The following NUP214 variants were observed in gnomAD, a reference collection of about 807,000 sequenced individuals.
NUP214 encodes the protein nucleoporin 214.
A neutral mutation model predicts 196.2 loss-of-function variants in NUP214; 79 were observed. That is an observed-to-expected ratio of 0.40 (90% CI 0.34 to 0.49). The LOEUF is 0.49. NUP214 is among the 20% of genes least tolerant of loss of function. The probability of loss-of-function intolerance (pLI) is 0.58; values close to 1 mark genes in which losing one functional copy is unlikely to be tolerated. For synonymous variants in NUP214, 1,020 were observed against 990.5 expected, an observed-to-expected ratio of 1.03 and a Z score of -0.56; for missense variants, 2,468 against 2,539.0, an observed-to-expected ratio of 0.97 and a Z score of 0.60.
In NUP214 at chr9:131,178,402, A is replaced by T; in HGVS notation, c.3411A>T (p.Thr1137=). ...AGAATAACCCTGCAACCCCTTCTAC[A>T]GCCATGGGGTATGTTCTGACTGCAG... is the stretch of plus-strand genomic sequence containing the variant. ...ELKNNPATPS[T]AMGSSVPYST... The change falls in exon 24 of 36, where the codon ACA becomes ACT. Residue 1137 remains threonine, a synonymous_variant. Transcript: ENST00000359428. 6.2e-7 allele frequency: 1 copy of T among 1,609,362 alleles called. No individual in the cohort carries two copies. The highest frequency in any genetic ancestry group is 8.5e-7 in the Non-Finnish European group (1 of 1,175,858).
At chr9:131,163,375 G>A in intron 19 of NUP214, 1 of 550,028 alleles carries the variant, frequency 1.8e-6, no homozygotes, top group Non-Finnish European at 3.1e-6. Flanking sequence ...TGGGATTGTT[G>A]GAGAGTTAAA....
rs10122056 is a variant in NUP214 at position 131,233,936 on chromosome 9, T to C, written c.*449T>C. ...TGCTGGTGGGTCATCTTTTTGAGGC[T>C]GAAACTTGGTTATCTCCTCTCCTTG... is the stretch of plus-strand genomic sequence containing the variant. On this transcript the variant is annotated 3_prime_UTR_variant, in exon 36 of 36. Coordinates refer to ENST00000359428, the MANE Select transcript of NUP214 (RefSeq NM_005085.4). 10,954 of 285,670 alleles carry C rather than the reference T, an allele frequency of 0.038. 357 individuals carry two copies. The highest frequency in any genetic ancestry group is 0.11 in the African/African-American group (4,979 of 46,562). The allele number at this position is 285,670 out of a possible 1,614,324, so 17.7% of individuals were successfully genotyped here.
chr9:131,187,664 G>A (rs1833492597), intron 25 of NUP214, among the ~76,000 whole-genome samples: 1 of 152,168 alleles, frequency 6.6e-6, no homozygotes, highest in African/African-American at 2.4e-5. Flanking sequence ...TGGGATTACA[G>A]GTGTGAGCCA....
Position 131,146,291 on chromosome 9 carries a change from G to C in NUP214, c.1932G>C (p.Leu644Phe), listed in dbSNP as rs1588131004. The C allele has an allele frequency of 6.2e-7, 1 of 1,614,072 alleles. No homozygotes were observed. Among genetic ancestry groups the C allele is most frequent in the Middle Eastern group, 1.6e-4 (1 of 6,062 alleles). Residue 644 changes from leucine (L) to phenylalanine (F), a missense_variant, in exon 13 of 36, where the codon TTG (leucine) becomes TTC (phenylalanine). By Grantham distance (22) the Leu-to-Phe change is conservative. This residue lies in a region of NUP214 where 1,801 missense variants were observed against 1,779.4 expected (regional missense o/e 1.01). Transcript: ENST00000359428. The surrounding 1 kb of genome is among the most constrained non-coding windows in gnomAD (Gnocchi z 4.6). ...CCGTGCCATTGAAGTCCTCAGTCTT[G>C]CCCTCACCATCAGGTATGATTTTAA... ...PSSVPLKSSVLPSPSGRSAQG... is the reference protein window; with the variant it reads ...PSSVPLKSSVFPSPSGRSAQG...
rs749497472 is a variant in NUP214 at position 131,232,255 on chromosome 9, T to C, written c.6215-29T>C. 4.3e-6 allele frequency: 7 copies of C among 1,614,030 alleles called. No individual in the cohort carries two copies. In the South Asian group the frequency reaches 5.5e-5, roughly 13 times the overall value. On this transcript the variant is annotated intron_variant, in intron 34 of 35. Transcript: ENST00000359428. This position sits in a 1 kb window ranked among gnomAD's most constrained non-coding sequence, Gnocchi z 5.1. Reference sequence around the variant, plus strand: ...CTTTGTCTTTCGAGTGGATGCGTGCTTTAACTTCACTCTTATTCTGCTTTT... The same window carrying C: ...CTTTGTCTTTCGAGTGGATGCGTGCCTTAACTTCACTCTTATTCTGCTTTT...
At chr9:131,128,682 A>G (rs573448004) in intron 3 of NUP214, 199 bp downstream of exon 3, 32 of 493,832 alleles carry the variant, frequency 6.5e-5, no homozygotes, top group African/African-American at 5.8e-4. Context: ...TCATAACGCC[A>G]TCTGCCCTAA....
chr9:131,174,224 TC>T lies in NUP214; in HGVS notation c.3065del (p.Pro1022LeufsTer27). On this transcript the variant is annotated frameshift_variant, in exon 22 of 36. Coordinates refer to ENST00000359428, the MANE Select transcript of NUP214 (RefSeq NM_005085.4). LOFTEE classifies it high-confidence loss of function. ...CTCGGCACGCCCCCGTGGTTCGCAC[TC>T]CTTCCATCCAGCCCAGTCTCTTGCC... The part of the protein sequence containing the change: ...APRHAPVVRT[P>X]SIQPSLLPHA... 1 of 1,613,946 alleles carries T rather than the reference TC, an allele frequency of 6.2e-7. No individual in the cohort carries two copies.
intron 9 of NUP214, among the ~76,000 whole-genome samples, chr9:131,137,432 C>T (rs763574956): frequency 6.6e-6 from 1 of 152,118 alleles, no homozygotes; most frequent in African/African-American, 2.4e-5. Context: ...GATGATCTAG[C>T]TCACACATGG....
At position 131,178,326 on chromosome 9, in the gene NUP214, C is replaced by T. The variant is rs1833172904; in HGVS notation, c.3335C>T (p.Thr1112Ile). 1.2e-6 allele frequency: 2 copies of T among 1,613,130 alleles called. No homozygotes were observed. Among genetic ancestry groups the T allele is most frequent in the Non-Finnish European group, 1.7e-6 (2 of 1,179,220 alleles). ...ASQAPAVNTL[T>I]ESTLKNVPQV... Reference sequence around the variant, plus strand: ...TTTAAATTAGCTGTAAACACTTTGACTGAATCAACGTTGAAGAATGTCCCT... The same window carrying T: ...TTTAAATTAGCTGTAAACACTTTGATTGAATCAACGTTGAAGAATGTCCCT... Residue 1112 changes from threonine to isoleucine, a missense_variant, in exon 24 of 36, where the codon ACT becomes ATT. By Grantham distance (89) the Thr-to-Ile change is moderately conservative. Around this residue, in one of 5 missense-constraint regions of NUP214, gnomAD observed 1,801 missense variants for 1,779.4 expected, o/e 1.01. Transcript: ENST00000359428.
intron 6 of NUP214, 100 bp from the exon 7 acceptor site, chr9:131,133,004 ATT>A: frequency 2.4e-6 from 2 of 816,804 alleles, no homozygotes; most frequent in Non-Finnish European, 4.0e-6. Flanking sequence ...AGGGCCTTTG[ATT>A]TTTTTTTTAT....
chr9:131,138,243 C>CTCCCCTCCCCTCCT (rs1588126072), intron 9 of NUP214, among the ~76,000 whole-genome samples: 1 of 148,716 alleles, frequency 6.7e-6, no homozygotes, highest in East Asian at 2.0e-4. Flanking sequence ...CCTCCCCTCC[C>CTCCCCTCCCCTCCT]CTCCCCTCCC....
chr9:131,125,668 G>A lies in NUP214; in HGVS notation c.-37G>A. 1 of 1,546,556 alleles carries A rather than the reference G, an allele frequency of 6.5e-7. No homozygotes were observed. On this transcript the variant is annotated 5_prime_UTR_variant, in exon 1 of 36. Transcript: ENST00000359428. The surrounding 1 kb of genome is among the most constrained non-coding windows in gnomAD (Gnocchi z 4.1). ...GGTTCCGTGGGCAAGGCCGTGGGAG[G>A]CAGCGTTGGCTGCTTCGACACACTG...
chr9:131,187,170 T>A, intron 24 of NUP214, 119 bp from the exon 25 acceptor site: 1 of 757,330 alleles, frequency 1.3e-6, no homozygotes, highest in East Asian at 2.6e-5. Flanking sequence ...TGGGGTCCCA[T>A]GCATCTGTAT....
chr9:131,192,278 A>G lies in NUP214; in HGVS notation c.3645A>G (p.Ser1215=), dbSNP rs780196311. The change falls in exon 27 of 36, where the codon TCA becomes TCG. Residue 1215 remains serine, a synonymous_variant. Transcript: ENST00000359428. Reference sequence around the variant, plus strand: ...CTGGGCAGTTCAGCAAGCCTTTCTCATTTTCTCCATCAGGGTCAGTAATGA... The same window carrying G: ...CTGGGCAGTTCAGCAAGCCTTTCTCGTTTTCTCCATCAGGGTCAGTAATGA... ...SASGQFSKPF[S]FSPSGTGFNF... The G allele has an allele frequency of 7.6e-6, 12 of 1,574,694 alleles. No individual in the cohort carries two copies. The South Asian group carries it at 8.0e-5, about 10-fold the overall frequency.
chr9:131,155,026 G>T (rs1478877923), intron 17 of NUP214, among the ~76,000 whole-genome samples: 1 of 152,198 alleles, frequency 6.6e-6, no homozygotes, highest in Non-Finnish European at 1.5e-5. Context: ...AGGATTGCTG[G>T]ATCAAATGGT....
Position 131,163,136 on chromosome 9 carries a change from C to T in NUP214, c.2686C>T (p.Leu896=). 1.9e-6 allele frequency: 3 copies of T among 1,613,766 alleles called. No homozygotes were observed. Among genetic ancestry groups the T allele is most frequent in the Non-Finnish European group, 2.5e-6 (3 of 1,179,904 alleles). Residue 896 remains leucine, a synonymous_variant, in exon 19 of 36, where the codon CTG becomes TTG. Coordinates refer to ENST00000359428, the MANE Select transcript of NUP214 (RefSeq NM_005085.4). The part of the protein sequence containing the change: ...RLYKQTSLWS[L]SSAVPSQSSI... Reference sequence around the variant, plus strand: ...TTACAAACAGACTTCCCTGTGGAGCCTGTCCTCGGCTGTTCCTTCCCAGAG... The same window carrying T: ...TTACAAACAGACTTCCCTGTGGAGCTTGTCCTCGGCTGTTCCTTCCCAGAG...
chr9:131,144,879 T>G, intron 12 of NUP214, 125 bp downstream of exon 12: 1 of 709,284 alleles, frequency 1.4e-6, no homozygotes, highest in Non-Finnish European at 2.3e-6. Context: ...GAGTGATACT[T>G]GCAAATGGCA....
At position 131,228,200 on chromosome 9, in the gene NUP214, T is replaced by G; in HGVS notation, c.5943T>G (p.Thr1981=). The change falls in exon 33 of 36, where the codon ACT becomes ACG. Residue 1981 remains threonine (T), a synonymous_variant. Coordinates refer to ENST00000359428, the MANE Select transcript of NUP214 (RefSeq NM_005085.4). ...CTCCAGTGTTTGGCAGCCCTCCTAC[T>G]TTTGGGGGATCCCCTGGGTTTGGAG... is the stretch of plus-strand genomic sequence containing the variant. The part of the protein sequence containing the change: ...GAAPVFGSPP[T]FGGSPGFGGV... The G allele has an allele frequency of 6.2e-7, 1 of 1,603,970 alleles. No individual in the cohort carries two copies. The highest frequency in any genetic ancestry group is 8.5e-7 in the Non-Finnish European group (1 of 1,176,108).
chr9:131,146,903 C>T lies in NUP214; in HGVS notation c.1946-587C>T, dbSNP rs1164982863. Among the ~76,000 whole-genome samples, 1 of 149,810 alleles carries T rather than the reference C, an allele frequency of 6.7e-6. No individual in the cohort carries two copies. The highest frequency in any genetic ancestry group is 2.5e-5 in the African/African-American group (1 of 40,434). ...CGAGATCACGCCACTGCTCTCCAGC[C>T]TGGCGACAGAGCGAGACTCTGTCTC... On this transcript the variant is annotated intron_variant, in intron 13 of 35. Coordinates refer to ENST00000359428, the MANE Select transcript of NUP214 (RefSeq NM_005085.4). This position sits in a 1 kb window ranked among gnomAD's most constrained non-coding sequence, Gnocchi z 4.6.
Sources: allele counts gnomAD v4.1 joint callset (sites outside exome capture counted in the v4.1 genomes callset), GRCh38; gene constraint gnomAD v4.1.1; regional missense constraint gnomAD v4.1.1; non-coding constraint Gnocchi (gnomAD v3.1); transcripts MANE v1.5; gene names NCBI Gene and HGNC (gene_info 2026-07-23, HGNC 2026-07-21).